The following TMEM255A variants were observed in gnomAD, a reference collection of about 807,000 sequenced individuals.
The protein encoded by TMEM255A is transmembrane protein 255A.
TMEM255A carries 14 observed loss-of-function variants against 23.5 expected under a neutral mutation model. The observed-to-expected ratio is 0.60, with a 90% confidence interval of 0.39 to 0.93. The LOEUF (loss-of-function observed/expected upper bound fraction) is 0.93, where lower values mean the gene tolerates loss of function less well. TMEM255A is among the 40% of genes least tolerant of loss of function. TMEM255A has a pLI of 0.00. For missense variants in TMEM255A, 233 were observed against 261.7 expected, an observed-to-expected ratio of 0.89 and a Z score of 0.76; for synonymous variants, 104 against 100.3, an observed-to-expected ratio of 1.04 and a Z score of -0.22.
At chrX:120,281,392 G>A (rs1465412491) in intron 6 of TMEM255A, among the ~76,000 whole-genome samples, 1 of 112,200 alleles carries the variant, frequency 8.9e-6, no homozygotes, top group East Asian at 2.8e-4. Context: ...AAAGTAGGCA[G>A]CAGAAGATCT....
chrX:120,303,335 C>T lies in TMEM255A; in HGVS notation c.201+1014G>A, dbSNP rs1023079827. Among the ~76,000 whole-genome samples, 4 of 111,236 alleles carry T rather than the reference C, an allele frequency of 3.6e-5. No individual in the cohort carries two copies. In the Admixed American group the frequency reaches 3.8e-4, roughly 11 times the overall value. On this transcript the variant is annotated intron_variant, in intron 2 of 8. Coordinates refer to ENST00000371369, the MANE Select transcript of TMEM255A (RefSeq NM_001104544.3). ...TGTGAATGTCAGGTGATCAGGTGAA[C>T]TATCCTTCTGGAGGAGGGCAAGTTC...
intron 2 of TMEM255A, among the ~76,000 whole-genome samples, chrX:120,295,204 T>A (rs1556023803): frequency 8.9e-6 from 1 of 111,786 alleles, no homozygotes; most frequent in Non-Finnish European, 1.9e-5. Flanking sequence ...CAATAAATCT[T>A]AACACAAGTT....
chrX:120,253,894 G>A (rs2057616788), downstream of TMEM255A: 1 of 1,208,933 alleles, frequency 8.3e-7, no homozygotes, highest in Non-Finnish European at 1.1e-6. Flanking sequence ...CAAGATAATG[G>A]GGCTACTATA....
downstream of TMEM255A, chrX:120,255,525 A>G: frequency 1.4e-6 from 1 of 726,652 alleles, no homozygotes; most frequent in East Asian, 3.3e-5. Context: ...GAACAAGTTA[A>G]TTTGATCTGC....
downstream of TMEM255A, chrX:120,256,596 G>A: frequency 8.2e-6 from 1 of 122,300 alleles, no homozygotes; most frequent in East Asian, 2.8e-4. Flanking sequence ...TGTTATATAG[G>A]CTTGTCAGTT....
chrX:120,254,620 C>A (rs782223215), downstream of TMEM255A: 1 of 1,211,514 alleles, frequency 8.3e-7, no homozygotes, highest in African/African-American at 1.7e-5. Flanking sequence ...ACTAATGATC[C>A]AGGCGTAGGA....
chrX:120,253,544 C>T, the TMEM255A span: 9 of 1,210,357 alleles, frequency 7.4e-6, no homozygotes, highest in African/African-American at 8.7e-5. Context: ...ACCGAAAATT[C>T]CGGGCTCACA....
intron 2 of TMEM255A, among the ~76,000 whole-genome samples, chrX:120,301,012 G>T (rs1556025910): frequency 1.8e-5 from 2 of 110,980 alleles, no homozygotes; most frequent in East Asian, 2.8e-4. Flanking sequence ...ATGTGCCACC[G>T]TGCCCAGCCT....
chrX:120,296,780 ATATCATATATAATATATATGATATATAAT>A, intron 2 of TMEM255A, among the ~76,000 whole-genome samples: 1 of 10,581 alleles, frequency 9.5e-5, no homozygotes. Context: ...AATATATTAT[ATATCATATATAATATATATGATATATAAT>A]ATATATCATA....
chrX:120,282,671 C>A (rs189034380), intron 6 of TMEM255A, among the ~76,000 whole-genome samples: 150 of 111,805 alleles, frequency 1.3e-3, no homozygotes, highest in African/African-American at 4.8e-3. Flanking sequence ...TCCTTGAAGA[C>A]TCTTCTGGTA....
At chrX:120,285,290 G>T in intron 5 of TMEM255A, 75 bp from the exon 6 acceptor site, 1 of 863,985 alleles carries the variant, frequency 1.2e-6, no homozygotes, top group Non-Finnish European at 1.7e-6. Flanking sequence ...GGAAATGCGA[G>T]TTAGTGACTG....
chrX:120,306,129 T>C (rs1351785113), intron 1 of TMEM255A, among the ~76,000 whole-genome samples: 10 of 111,555 alleles, frequency 9.0e-5, no homozygotes, highest in Admixed American at 5.7e-4. Context: ...TAAAGAGACC[T>C]GAGTCCAGCC....
intron 4 of TMEM255A, among the ~76,000 whole-genome samples, chrX:120,289,403 C>T (rs1452223858): frequency 8.9e-6 from 1 of 111,758 alleles, no homozygotes; most frequent in Non-Finnish European, 1.9e-5. Context: ...TGCCCATTGC[C>T]TTTGACTGGA....
chrX:120,284,027 T>G (rs186644087), intron 6 of TMEM255A, among the ~76,000 whole-genome samples: 7 of 111,677 alleles, frequency 6.3e-5, no homozygotes, highest in Admixed American at 1.9e-4. Context: ...CTTCTTTTGG[T>G]TTGTCTCCTG....
chrX:120,311,420 A>T lies in TMEM255A; in HGVS notation c.-111T>A, dbSNP rs781893957. 3.7e-4 allele frequency: 228 copies of T among 619,452 alleles called. No homozygotes were observed. Among genetic ancestry groups the T allele is most frequent in the Non-Finnish European group, 6.6e-5 (25 of 379,870 alleles). 51.0% of individuals were successfully genotyped at this position (619,452 alleles called of 1,213,427 possible). On this transcript the variant is annotated 5_prime_UTR_variant, in exon 1 of 9. Transcript: ENST00000371369. The stretch of plus-strand genomic sequence containing the variant: ...GGTTGCCTCTCTCGGTCCTTCCGAG[A>T]GCTGAGAGACACTGCCTCTGGTTGC...
chrX:120,286,677 G>A (rs868933820), intron 5 of TMEM255A, among the ~76,000 whole-genome samples: 3 of 112,070 alleles, frequency 2.7e-5, no homozygotes, highest in African/African-American at 9.7e-5. Flanking sequence ...CATAAAGGTG[G>A]ATCTGGCTTC....
At chrX:120,277,933 A>C (rs2057810305) in intron 6 of TMEM255A, among the ~76,000 whole-genome samples, 1 of 111,952 alleles carries the variant, frequency 8.9e-6, no homozygotes, top group Non-Finnish European at 1.9e-5. Context: ...TCATGTGTTA[A>C]AGCCCTATCC....
At chrX:120,283,754 G>A (rs1468253690) in intron 6 of TMEM255A, among the ~76,000 whole-genome samples, 2 of 111,071 alleles carry the variant, frequency 1.8e-5, no homozygotes, top group Non-Finnish European at 3.8e-5. Flanking sequence ...CTTGATCTAG[G>A]CTCCATTCTC....
At chrX:120,272,903 G>C (rs75288280) in intron 7 of TMEM255A, among the ~76,000 whole-genome samples, 1,921 of 110,156 alleles carry the variant, frequency 0.017, 47 homozygotes, top group African/African-American at 0.061. Context: ...CACCATGCCC[G>C]GCTAATTTTT....
Sources: gnomAD v4.1 joint callset for allele counts (sites outside exome capture counted in the v4.1 genomes callset) on GRCh38, gnomAD v4.1.1 for gene constraint, MANE v1.5 for transcripts, NCBI Gene and HGNC (gene_info 2026-07-23, HGNC 2026-07-21) for gene names.